The following HSPA12A variants were observed in gnomAD, a reference collection of about 807,000 sequenced individuals.
HSPA12A encodes heat shock protein family A (Hsp70) member 12A, also known as heat shock 70 kDa protein 12A.
A neutral mutation model predicts 69.2 loss-of-function variants in HSPA12A; 28 were observed. The ratio of observed to expected loss-of-function variants is 0.40; its 90% CI spans 0.30 to 0.55. The LOEUF (loss-of-function observed/expected upper bound fraction) is 0.55. Among genes scored for constraint, HSPA12A ranks in the 20% least tolerant of loss-of-function variants. The pLI, the probability that HSPA12A is intolerant of heterozygous loss-of-function variation, is 0.38. For synonymous variants in HSPA12A, 345 were observed against 370.5 expected (o/e 0.93, Z 0.79); for missense variants, 686 against 900.7 (o/e 0.76, Z 3.05).
At chr10:116,712,977 AATATATATATATATATAT>A (rs56007651) in intron 1 of HSPA12A, among the ~76,000 whole-genome samples, 29 of 80,850 alleles carry the variant, frequency 3.6e-4, no homozygotes, top group East Asian at 2.6e-3. Flanking sequence ...TAAAAAATGC[AATATATATATATATATAT>A]ATATATATAT....
At chr10:116,702,343 T>C (rs911184927) in intron 3 of HSPA12A, among the ~76,000 whole-genome samples, 5 of 152,064 alleles carry the variant, frequency 3.3e-5, no homozygotes, top group Non-Finnish European at 7.4e-5. Context: ...GGGGACGCAG[T>C]GCAGGAGGGA....
intron 1 of HSPA12A, among the ~76,000 whole-genome samples, chr10:116,727,752 G>GTT (rs71859215): frequency 0.12 from 15,126 of 131,268 alleles, 1,299 homozygotes; most frequent in East Asian, 0.34. Flanking sequence ...ATGTAAGTGG[G>GTT]TTTTTTTTTT....
intron 2 of HSPA12A, among the ~76,000 whole-genome samples, chr10:116,797,405 A>C (rs1338004824): frequency 6.6e-6 from 1 of 151,964 alleles, no homozygotes; most frequent in Non-Finnish European, 1.5e-5. Flanking sequence ...TGGGTTCCTT[A>C]CAATTGTTTG....
At chr10:116,759,246 G>C (rs1233031620) in intron 2 of HSPA12A, among the ~76,000 whole-genome samples, 1 of 152,206 alleles carries the variant, frequency 6.6e-6, no homozygotes, top group Non-Finnish European at 1.5e-5. Flanking sequence ...TCATTTCAGA[G>C]GTAGTTCTGT....
intron 1 of HSPA12A, among the ~76,000 whole-genome samples, chr10:116,837,938 GT>G (rs1259877125): frequency 6.6e-6 from 1 of 151,862 alleles, no homozygotes; most frequent in Non-Finnish European, 1.5e-5. Flanking sequence ...TACTGACAGG[GT>G]TTTTCTTTTT....
chr10:116,849,769 CCT>C, upstream of HSPA12A: 1 of 1,473,942 alleles, frequency 6.8e-7, no homozygotes, highest in South Asian at 1.4e-5. Flanking sequence ...CCCGCCAACC[CCT>C]CTCCCCCCGC....
intron 1 of HSPA12A, among the ~76,000 whole-genome samples, chr10:116,718,393 G>C (rs1225950220): frequency 6.6e-6 from 1 of 152,200 alleles, no homozygotes; most frequent in Non-Finnish European, 1.5e-5. Context: ...ATGAGAGAGA[G>C]ATACACCATC....
At chr10:116,679,911 G>A (rs1449138118) in intron 9 of HSPA12A, 150 bp from the exon 10 acceptor site, 9 of 690,908 alleles carry the variant, frequency 1.3e-5, no homozygotes, top group African/African-American at 5.4e-5. Flanking sequence ...AGAACCCTGC[G>A]CTGCTTCTCA....
At position 116,805,846 on chromosome 10, in the gene HSPA12A, G is replaced by C. The variant is rs534350415; in HGVS notation, c.91+29089C>G. Among the ~76,000 whole-genome samples the C allele has an allele frequency of 5.3e-5, 8 of 152,332 alleles. No homozygotes were observed. The South Asian group carries it at 1.5e-3, about 28-fold the overall frequency. ...CAATTAAAACACAATTAGAAAAGGT[G>C]TCAGGTTGTCACTGTTACATTTTGC... On this transcript the variant is annotated intron_variant, in intron 2 of 12. Coordinates refer to the HSPA12A transcript ENST00000635765.
chr10:116,771,641 G>C (rs1235378596), intron 2 of HSPA12A, among the ~76,000 whole-genome samples: 1 of 152,216 alleles, frequency 6.6e-6, no homozygotes, highest in Admixed American at 6.5e-5. Flanking sequence ...GGAAATCCCT[G>C]CCTGCCAGCA....
At chr10:116,821,826 T>C (rs1419693027) in intron 2 of HSPA12A, among the ~76,000 whole-genome samples, 2 of 152,188 alleles carry the variant, frequency 1.3e-5, no homozygotes, top group Non-Finnish European at 2.9e-5. Context: ...CCCTGTCAGA[T>C]GGGAGCTCCC....
intron 1 of HSPA12A, among the ~76,000 whole-genome samples, chr10:116,739,571 A>G (rs2133063721): frequency 6.6e-6 from 1 of 152,066 alleles, no homozygotes; most frequent in South Asian, 2.1e-4. Flanking sequence ...TGGTCACCAT[A>G]GGAGCCATCC....
chr10:116,790,267 C>G (rs781614195), intron 2 of HSPA12A, among the ~76,000 whole-genome samples: 1 of 151,942 alleles, frequency 6.6e-6, no homozygotes, highest in Non-Finnish European at 1.5e-5. Flanking sequence ...CCTCACCCGG[C>G]TAATTTTTTG....
At chr10:116,847,752 T>A (rs1172359826) in intron 1 of HSPA12A, among the ~76,000 whole-genome samples, 1 of 152,220 alleles carries the variant, frequency 6.6e-6, no homozygotes, top group East Asian at 1.9e-4. Context: ...ACAAATCAAG[T>A]CGCTGTCCTC....
intron 9 of HSPA12A, among the ~76,000 whole-genome samples, chr10:116,680,930 C>T (rs1348515679): frequency 1.3e-5 from 2 of 152,350 alleles, no homozygotes; most frequent in South Asian, 2.1e-4. Flanking sequence ...GAAACAGGCT[C>T]GCTTTAGGCC....
intron 2 of HSPA12A, among the ~76,000 whole-genome samples, chr10:116,797,059 T>C (rs374505023): frequency 1.3e-5 from 2 of 152,158 alleles, no homozygotes; most frequent in East Asian, 1.9e-4. Flanking sequence ...CACCAGGATG[T>C]GATGCATTTC....
chr10:116,722,222 G>A (rs373665018), intron 1 of HSPA12A, among the ~76,000 whole-genome samples: 3 of 152,150 alleles, frequency 2.0e-5, no homozygotes, highest in South Asian at 2.1e-4. Context: ...TGCTCCAGAC[G>A]GGTCAGGCGC....
Position 116,682,459 on chromosome 10 carries a change from G to GC in HSPA12A, c.836-583_836-582insG, listed in dbSNP as rs1205946711. ...ATGCACCCTGGGTAAATAGACTGGGGGGGGGGGCCATTTCCTGACCCAGCT... is the reference window on the plus strand; with the variant it reads ...ATGCACCCTGGGTAAATAGACTGGGGCGGGGGGGCCATTTCCTGACCCAGCT... On this transcript the variant is annotated intron_variant, in intron 7 of 11. Transcript: ENST00000369209. 1.4e-3 allele frequency among the ~76,000 whole-genome samples: 217 copies of GC among 151,890 alleles called. 2 individuals are homozygous for GC. Among genetic ancestry groups the GC allele is most frequent in the African/African-American group, 5.1e-3 (212 of 41,340 alleles).
chr10:116,682,531 C>G (rs1442388704), intron 7 of HSPA12A, among the ~76,000 whole-genome samples: 1 of 152,058 alleles, frequency 6.6e-6, no homozygotes, highest in Non-Finnish European at 1.5e-5. Flanking sequence ...CTGGGCCTGG[C>G]AAACCCCTGT....
Sources: gnomAD v4.1 joint callset for allele counts (sites outside exome capture counted in the v4.1 genomes callset) on GRCh38, gnomAD v4.1.1 for gene constraint, MANE v1.5 for transcripts, NCBI Gene and HGNC (gene_info 2026-07-23, HGNC 2026-07-21) for gene names.